The following NLK variants were observed in gnomAD, a reference collection of about 807,000 sequenced individuals.
NLK encodes serine/threonine-protein kinase NLK.
In NLK, 11 loss-of-function variants were observed where a neutral mutation model predicts 59.0. The ratio of observed to expected loss-of-function variants is 0.19; its 90% CI spans 0.12 to 0.31. The LOEUF (loss-of-function observed/expected upper bound fraction) is 0.31, where lower values mean the gene tolerates loss of function less well. Ranked by LOEUF, NLK falls within the 10% of genes least tolerant of loss-of-function variation. NLK has a pLI of 1.00. For synonymous variants in NLK, 235 were observed against 235.9 expected, an observed-to-expected ratio of 1.00 and a Z score of 0.03; for missense variants, 410 against 661.1, an observed-to-expected ratio of 0.62 and a Z score of 4.16.
intron 1 of NLK, among the ~76,000 whole-genome samples, chr17:28,107,038 C>T (rs1905194093): frequency 6.6e-6 from 1 of 152,110 alleles, no homozygotes; most frequent in South Asian, 2.1e-4. Context: ...AAAAACACTA[C>T]ACAACTAAGT....
intron 4 of NLK, 123 bp from the exon 5 acceptor site, chr17:28,163,420 C>A (rs1908095082): frequency 3.3e-6 from 2 of 604,400 alleles, no homozygotes; most frequent in African/African-American, 3.8e-5. Context: ...TAATAATGTT[C>A]ATTATGCAGT....
intron 5 of NLK, among the ~76,000 whole-genome samples, chr17:28,166,217 A>G (rs925142620): frequency 6.6e-6 from 1 of 150,688 alleles, no homozygotes; most frequent in Non-Finnish European, 1.5e-5. Flanking sequence ...TGTCTCAAAA[A>G]ATATATATAT....
At chr17:28,094,695 A>G (rs997080727) in intron 1 of NLK, among the ~76,000 whole-genome samples, 2 of 152,196 alleles carry the variant, frequency 1.3e-5, no homozygotes, top group African/African-American at 2.4e-5. Context: ...ATTTTTATAC[A>G]GGTGAAAATA....
chr17:28,055,555 G>C (rs1441973142), intron 1 of NLK, among the ~76,000 whole-genome samples: 2 of 151,982 alleles, frequency 1.3e-5, no homozygotes, highest in Non-Finnish European at 2.9e-5. Flanking sequence ...ATGTTGTCCA[G>C]GCTGGTCTCA....
intron 1 of NLK, among the ~76,000 whole-genome samples, chr17:28,071,766 A>C (rs543835209): frequency 6.6e-6 from 1 of 152,348 alleles, no homozygotes; most frequent in East Asian, 1.9e-4. Context: ...TTGGCAGAAC[A>C]GGTCTGGAGA....
intron 1 of NLK, among the ~76,000 whole-genome samples, chr17:28,098,940 C>A (rs934408011): frequency 1.3e-5 from 2 of 152,010 alleles, no homozygotes; most frequent in Non-Finnish European, 2.9e-5. Flanking sequence ...CCTCTGCTTC[C>A]CAAAGTGCTG....
chr17:28,165,175 A>T (rs753554369), intron 5 of NLK, among the ~76,000 whole-genome samples: 9 of 149,856 alleles, frequency 6.0e-5, no homozygotes, highest in African/African-American at 2.2e-4. Context: ...TTTTTTAATT[A>T]AAAAAAAAAT....
intron 1 of NLK, among the ~76,000 whole-genome samples, chr17:28,049,755 C>T (rs912154827): frequency 2.0e-5 from 3 of 152,090 alleles, no homozygotes; most frequent in African/African-American, 7.2e-5. Context: ...GGCCGAGGAG[C>T]GGTTCACCTG....
intron 7 of NLK, among the ~76,000 whole-genome samples, chr17:28,179,593 G>A (rs1347628099): frequency 6.6e-6 from 1 of 151,778 alleles, no homozygotes; most frequent in Non-Finnish European, 1.5e-5. Context: ...AGTTAGCCAG[G>A]CATGGTGGCA....
chr17:28,091,080 TTTTATTTATTTACTCGTCAC>T (rs1014122998), intron 1 of NLK, among the ~76,000 whole-genome samples: 1 of 152,200 alleles, frequency 6.6e-6, no homozygotes, highest in Admixed American at 6.5e-5. Flanking sequence ...TTTTATTTCA[TTTTATTTATTTACTCGTCAC>T]TGACTTGAAG....
chr17:28,089,211 C>G (rs1219388367), intron 1 of NLK, among the ~76,000 whole-genome samples: 1 of 152,168 alleles, frequency 6.6e-6, no homozygotes, highest in Non-Finnish European at 1.5e-5. Context: ...AATTCCTCTA[C>G]CCCTTTGTAA....
chr17:28,164,674 A>T (rs1241351586), intron 5 of NLK, among the ~76,000 whole-genome samples: 5 of 152,174 alleles, frequency 3.3e-5, no homozygotes, highest in Non-Finnish European at 1.5e-5. Context: ...AGAGAGGTCC[A>T]CTATATTTTT....
chr17:28,136,842 A>G (rs1906769184), intron 3 of NLK, among the ~76,000 whole-genome samples: 2 of 151,060 alleles, frequency 1.3e-5, no homozygotes, highest in South Asian at 4.2e-4. Context: ...ACCACAGGTG[A>G]TCTGCCGCTT....
intron 1 of NLK, among the ~76,000 whole-genome samples, chr17:28,078,801 A>C (rs890891640): frequency 4.6e-5 from 7 of 152,150 alleles, no homozygotes; most frequent in African/African-American, 1.7e-4. Flanking sequence ...AATAAAGTTC[A>C]TCTGTAGTCC....
intron 1 of NLK, among the ~76,000 whole-genome samples, chr17:28,074,892 A>C (rs1438133540): frequency 6.6e-6 from 1 of 152,182 alleles, no homozygotes; most frequent in Non-Finnish European, 1.5e-5. Flanking sequence ...CCAACACCCG[A>C]GGTTGGGAGG....
At chr17:28,100,653 G>T (rs962520557) in intron 1 of NLK, among the ~76,000 whole-genome samples, 1 of 152,108 alleles carries the variant, frequency 6.6e-6, no homozygotes, top group Admixed American at 6.5e-5. Flanking sequence ...CCATTTGGTG[G>T]CTTGCCTTTT....
chr17:28,061,855 A>C (rs868489154), intron 1 of NLK: 4 of 144,256 alleles, frequency 2.8e-5, no homozygotes, highest in African/African-American at 7.7e-5. Context: ...TATAATATAT[A>C]ATATATACAT....
At chr17:28,074,821 G>A (rs145317337) in intron 1 of NLK, among the ~76,000 whole-genome samples, 2 of 152,110 alleles carry the variant, frequency 1.3e-5, no homozygotes, top group Non-Finnish European at 2.9e-5. Context: ...CTAGTGTAGC[G>A]GTTGGGATGA....
intron 3 of NLK, among the ~76,000 whole-genome samples, chr17:28,149,074 T>C (rs1207840941): frequency 6.6e-6 from 1 of 152,110 alleles, no homozygotes; most frequent in African/African-American, 2.4e-5. Context: ...TTAAAAAACG[T>C]TTTTTTGAGA....
Sources: allele counts gnomAD v4.1 joint callset (sites outside exome capture counted in the v4.1 genomes callset), GRCh38; gene constraint gnomAD v4.1.1; transcripts MANE v1.5; gene names NCBI Gene and HGNC (gene_info 2026-07-23, HGNC 2026-07-21).